MAMLD1: variants seen among roughly 807,000 people sequenced by gnomAD.
MAMLD1 encodes mastermind-like domain-containing protein 1.
In MAMLD1, 14 loss-of-function variants were observed where a neutral mutation model predicts 45.0. That is an observed-to-expected ratio of 0.31 (90% CI 0.21 to 0.49). The LOEUF (loss-of-function observed/expected upper bound fraction) is 0.49. Among genes scored for constraint, MAMLD1 ranks in the 20% least tolerant of loss-of-function variants. MAMLD1 has a pLI of 0.99. For synonymous variants in MAMLD1, 254 were observed against 247.8 expected (o/e 1.02, Z -0.24); for missense variants, 543 against 603.6 (o/e 0.90, Z 1.05).
intron 1 of MAMLD1, among the ~76,000 whole-genome samples, chrX:150,376,876 GA>G (rs34242695): frequency 0.43 from 39,843 of 93,054 alleles, 7,073 homozygotes; most frequent in African/African-American, 0.64. Flanking sequence ...TTTCATTATG[GA>G]AAAAAAAAAA....
chrX:150,398,342 A>AAGAAGAAGAAGAAGAAGG (rs1569564634), intron 1 of MAMLD1, among the ~76,000 whole-genome samples: 10 of 65,111 alleles, frequency 1.5e-4, no homozygotes, highest in South Asian at 7.3e-4. Context: ...GAAGAAGAAG[A>AAGAAGAAGAAGAAGAAGG]GGAAGAGGAA....
intron 6 of MAMLD1, chrX:150,504,521 TCC>T: frequency 1.8e-6 from 1 of 570,456 alleles, no homozygotes. Flanking sequence ...GTCACAGAGC[TCC>T]TCAGCTGTTC....
At chrX:150,367,706 C>T (rs1316671928) in intron 1 of MAMLD1, among the ~76,000 whole-genome samples, 1 of 110,186 alleles carries the variant, frequency 9.1e-6, no homozygotes, top group South Asian at 4.0e-4. Flanking sequence ...CTGTCCCTCC[C>T]TCCTCCCCCC....
intron 1 of MAMLD1, among the ~76,000 whole-genome samples, chrX:150,389,300 G>A: frequency 9.0e-6 from 1 of 111,572 alleles, no homozygotes; most frequent in Non-Finnish European, 1.9e-5. Context: ...GCCCACCCTG[G>A]CCTCCCGAAG....
intron 5 of MAMLD1, among the ~76,000 whole-genome samples, chrX:150,499,787 G>A (rs1230118131): frequency 8.9e-6 from 1 of 111,889 alleles, no homozygotes; most frequent in Non-Finnish European, 1.9e-5. Context: ...ACTAAAGCAT[G>A]TTCAGTAAAT....
chrX:150,369,470 A>G (rs1249969242), intron 1 of MAMLD1, among the ~76,000 whole-genome samples: 1 of 113,216 alleles, frequency 8.8e-6, no homozygotes, highest in Non-Finnish European at 1.9e-5. Context: ...GAGTAAAAAA[A>G]TGGCAGAAGG....
At chrX:150,441,062 G>A (rs1402916343) in intron 1 of MAMLD1, among the ~76,000 whole-genome samples, 15 of 101,832 alleles carry the variant, frequency 1.5e-4, no homozygotes, top group East Asian at 2.9e-4. Flanking sequence ...TTAATATTAT[G>A]TTTATTGATA....
intron 1 of MAMLD1, among the ~76,000 whole-genome samples, chrX:150,431,528 A>G (rs1468470409): frequency 1.8e-5 from 2 of 110,490 alleles, no homozygotes; most frequent in African/African-American, 6.6e-5. Flanking sequence ...TAATAAGCAT[A>G]GTACCTGATA....
intron 1 of MAMLD1, among the ~76,000 whole-genome samples, chrX:150,407,113 A>G (rs965335733): frequency 2.7e-5 from 3 of 111,848 alleles, no homozygotes; most frequent in African/African-American, 9.7e-5. Flanking sequence ...TAATGACCCC[A>G]TCTCAGGAAA....
intron 1 of MAMLD1, among the ~76,000 whole-genome samples, chrX:150,418,182 C>G (rs1433589815): frequency 9.0e-6 from 1 of 111,341 alleles, no homozygotes; most frequent in East Asian, 2.8e-4. Flanking sequence ...TGTATGTGTC[C>G]AGGAATTTAT....
chrX:150,488,900 G>A (rs1217390432), intron 5 of MAMLD1, among the ~76,000 whole-genome samples: 3 of 113,097 alleles, frequency 2.7e-5, no homozygotes, highest in Non-Finnish European at 5.6e-5. Context: ...CAGCATGTTT[G>A]CTAAGGGCTG....
intron 1 of MAMLD1, chrX:150,421,001 T>G (rs781788978): frequency 6.6e-4 from 77 of 116,460 alleles, no homozygotes; most frequent in African/African-American, 1.7e-3. Context: ...GTTTACCTAA[T>G]CAAGCCTGGG....
Position 150,471,441 on chromosome X carries a change from G to A in MAMLD1, c.1868G>A (p.Arg623His), listed in dbSNP as rs145175147. 87 of 1,210,407 alleles carry A rather than the reference G, an allele frequency of 7.2e-5. No individual in the cohort carries two copies. In the African/African-American group the frequency reaches 8.4e-4, roughly 12 times the overall value. The change falls in exon 4 of 8, where the codon CGT (arginine) becomes CAT (histidine). Residue 623 changes from arginine to histidine, a missense_variant. Transcript: ENST00000370401. ...LLQQMMQQPQ[R>H]FQRSVASDSM... is the part of the protein sequence containing the mutation. ...CAGCAGATGATGCAGCAACCCCAGCGTTTTCAGCGATCAGTGGCCTCAGAT... is the reference window on the plus strand; with the variant it reads ...CAGCAGATGATGCAGCAACCCCAGCATTTTCAGCGATCAGTGGCCTCAGAT...
Position 150,470,977 on chromosome X carries a change from G to C in MAMLD1, c.1404G>C (p.Leu468Phe). Residue 468 changes from leucine (L) to phenylalanine (F), a missense_variant, in exon 4 of 8, where the codon TTG becomes TTC. Coordinates refer to ENST00000370401, the MANE Select transcript of MAMLD1 (RefSeq NM_005491.5). ...CAGAGAAGCTCTCTAGCCCAGGCTT[G>C]CCACAGCAGTCCTTCACCCCACAGT... ...YRPEKLSSPG[L>F]PQQSFTPQCS... 1 of 1,211,900 alleles carries C rather than the reference G, an allele frequency of 8.3e-7. No homozygotes were observed. The highest frequency in any genetic ancestry group is 1.1e-6 in the Non-Finnish European group (1 of 895,563).
intron 1 of MAMLD1, among the ~76,000 whole-genome samples, chrX:150,390,409 C>T (rs1388980748): frequency 8.9e-6 from 1 of 112,311 alleles, no homozygotes; most frequent in African/African-American, 3.2e-5. Flanking sequence ...TCATGCTTTA[C>T]TTAAATCTAT....
chrX:150,436,908 C>A (rs781867589), intron 1 of MAMLD1, among the ~76,000 whole-genome samples: 1 of 106,363 alleles, frequency 9.4e-6, no homozygotes, highest in East Asian at 2.9e-4. Context: ...TTTTTTTTTT[C>A]TTTTTTGATG....
chrX:150,478,018 C>T (rs1185733755), intron 5 of MAMLD1, among the ~76,000 whole-genome samples: 2 of 112,178 alleles, frequency 1.8e-5, no homozygotes, highest in Non-Finnish European at 3.8e-5. Context: ...GACTCTCACT[C>T]CTAAAGCCTC....
rs782760220 is a variant in MAMLD1, at chrX:150,494,133, A to C, written c.2041-9141A>C. Among the ~76,000 whole-genome samples the C allele has an allele frequency of 1.6e-4, 18 of 111,597 alleles. No individual in the cohort carries two copies. In the East Asian group the frequency reaches 4.0e-3, roughly 25 times the overall value. ...AAAATGGGCCGGGCACGGTGGCTCA[A>C]GCCTGTAATCCCAGCACTTTGGGAG... On this transcript the variant is annotated intron_variant, in intron 5 of 7. Transcript: ENST00000370401.
chrX:150,364,006 C>T (rs1569564269), intron 1 of MAMLD1, among the ~76,000 whole-genome samples: 1 of 113,156 alleles, frequency 8.8e-6, no homozygotes, highest in South Asian at 3.6e-4. Flanking sequence ...CCCACCCCAA[C>T]GCTGTTTGCC....
Sources: gnomAD v4.1 joint callset for allele counts (sites outside exome capture counted in the v4.1 genomes callset) on GRCh38, gnomAD v4.1.1 for gene constraint, MANE v1.5 for transcripts, NCBI Gene and HGNC (gene_info 2026-07-23, HGNC 2026-07-21) for gene names.